Variants in UBE3C observed in about 807,000 individuals in gnomAD.
UBE3C encodes the protein ubiquitin-protein ligase E3C.
UBE3C carries 42 observed loss-of-function variants against 129.4 expected under a neutral mutation model. That is an observed-to-expected ratio of 0.32 (90% CI 0.25 to 0.42). The LOEUF is 0.42. UBE3C is among the 10% of genes least tolerant of loss of function. The pLI, the probability that UBE3C is intolerant of heterozygous loss-of-function variation, is 1.00. For synonymous variants in UBE3C, 510 were observed against 492.4 expected, an observed-to-expected ratio of 1.04 and a Z score of -0.47; for missense variants, 1,049 against 1,319.1, an observed-to-expected ratio of 0.80 and a Z score of 3.17.
chr7:157,154,527 ATC>A (rs2116827270), intron 1 of UBE3C, among the ~76,000 whole-genome samples: 1 of 152,254 alleles, frequency 6.6e-6, no homozygotes, highest in South Asian at 2.1e-4. Context: ...CCATATCGGC[ATC>A]TTTATATTTG....
intron 1 of UBE3C, among the ~76,000 whole-genome samples, chr7:157,148,693 CAAAT>C (rs1186429291): frequency 6.7e-6 from 1 of 148,834 alleles, no homozygotes; most frequent in African/African-American, 2.5e-5. Context: ...GATCTGGCAT[CAAAT>C]AAAGTCAAAA....
chr7:157,166,087 A>G lies in UBE3C; in HGVS notation c.120+2224A>G, dbSNP rs1808204491. 2.6e-5 allele frequency among the ~76,000 whole-genome samples: 4 copies of G among 152,326 alleles called. No homozygotes were observed. The South Asian group carries it at 8.3e-4, about 32-fold the overall frequency. ...ATTATTTCATTAAATAGGTTTCCTA[A>G]TCCTTTCTTTGACTCTTTGACCTTG... is the stretch of plus-strand genomic sequence containing the variant. On this transcript the variant is annotated intron_variant, in intron 2 of 22. Coordinates refer to ENST00000348165, the MANE Select transcript of UBE3C (RefSeq NM_014671.3).
intron 22 of UBE3C, among the ~76,000 whole-genome samples, chr7:157,265,528 C>T (rs1333899906): frequency 2.6e-5 from 4 of 152,174 alleles, no homozygotes; most frequent in South Asian, 4.1e-4. Flanking sequence ...AAACCAGGTA[C>T]GTATTCATTG....
chr7:157,225,454 T>C lies in UBE3C; in HGVS notation c.2148T>C (p.Asp716=). 6.2e-7 allele frequency: 1 copy of C among 1,606,814 alleles called. No individual in the cohort carries two copies. Residue 716 remains aspartate (D), a synonymous_variant, in exon 17 of 23, where the codon GAT becomes GAC. Coordinates refer to ENST00000348165, the MANE Select transcript of UBE3C (RefSeq NM_014671.3). ...CAGATAAGCAAGAAGTTCAAGGAGA[T>C]GGTCCATTTCTGGATGGAATTAATG... ...IYADKQEVQG[D]GPFLDGINVT...
Position 157,139,373 on chromosome 7 carries a change from GGGCCTGCGC to G in UBE3C, c.66+40_66+48del, listed in dbSNP as rs1190038717. 3.9e-6 allele frequency: 6 copies of G among 1,534,460 alleles called. No individual in the cohort carries two copies. In the Admixed American group the frequency reaches 1.2e-4, roughly 30 times the overall value. On this transcript the variant is annotated intron_variant, in intron 1 of 22. Transcript: ENST00000348165. ...GGGCTGGCGGGGCGCCCTCGGCTCGGGGCCTGCGCGGCCGGGGCTCGGGGCTGGGACTCG... is the reference window on the plus strand; with the variant it reads ...GGGCTGGCGGGGCGCCCTCGGCTCGGGGCCGGGGCTCGGGGCTGGGACTCG...
chr7:157,179,644 G>C (rs925327104), intron 6 of UBE3C, among the ~76,000 whole-genome samples: 1 of 152,168 alleles, frequency 6.6e-6, no homozygotes, highest in Non-Finnish European at 1.5e-5. Context: ...AAAAATGTGC[G>C]TGAGACTAGT....
At chr7:157,194,427 C>T (rs1421640849) in intron 10 of UBE3C, among the ~76,000 whole-genome samples, 4 of 152,130 alleles carry the variant, frequency 2.6e-5, no homozygotes, top group Admixed American at 6.5e-5. Context: ...GTAGCATATT[C>T]AGGTCATCTG....
chr7:157,216,040 G>A (rs915023504), intron 13 of UBE3C, among the ~76,000 whole-genome samples: 1 of 152,186 alleles, frequency 6.6e-6, no homozygotes, highest in African/African-American at 2.4e-5. Flanking sequence ...ACTAAGCTGT[G>A]ATGACATAGT....
At chr7:157,191,757 A>G (rs1207433285) in intron 10 of UBE3C, among the ~76,000 whole-genome samples, 2 of 152,228 alleles carry the variant, frequency 1.3e-5, no homozygotes, top group African/African-American at 4.8e-5. Flanking sequence ...TTCAAAGCAG[A>G]AAAATACAGA....
rs1259967888 is a variant in UBE3C at position 157,182,174 on chromosome 7, T to C, written c.837T>C (p.His279=). The C allele has an allele frequency of 6.2e-7, 1 of 1,612,766 alleles. No homozygotes were observed. The highest frequency in any genetic ancestry group is 2.2e-5 in the East Asian group (1 of 44,900). Residue 279 remains histidine (H), a synonymous_variant, in exon 8 of 23, where the codon CAT becomes CAC. Coordinates refer to ENST00000348165, the MANE Select transcript of UBE3C (RefSeq NM_014671.3). The part of the protein sequence containing the change: ...LAAPFTDQIF[H]FIIPALADAQ... ...CACCTTTTACAGATCAGATTTTTCA[T>C]TTCATCATTCCGGCGCTTGCAGATG... is the stretch of plus-strand genomic sequence containing the variant.
chr7:157,220,678 G>T lies in UBE3C; in HGVS notation c.1915-11G>T. On this transcript the variant is annotated splice_polypyrimidine_tract_variant and intron_variant, in intron 14 of 22. Transcript: ENST00000348165. Reference sequence around the variant, plus strand: ...CACAGGGGAGTTCTGAACCAGGATTGCCCCCGACAGGTCACTCAGCTCTAT... The same window carrying T: ...CACAGGGGAGTTCTGAACCAGGATTTCCCCCGACAGGTCACTCAGCTCTAT... The T allele has an allele frequency of 2.5e-6, 4 of 1,613,974 alleles. No individual in the cohort carries two copies. The highest frequency in any genetic ancestry group is 3.4e-6 in the Non-Finnish European group (4 of 1,179,930).
chr7:157,139,192 G>C lies in UBE3C; in HGVS notation c.-81G>C. 1 of 1,059,842 alleles carries C rather than the reference G, an allele frequency of 9.4e-7. No homozygotes were observed. Among genetic ancestry groups the C allele is most frequent in the Non-Finnish European group, 1.2e-6 (1 of 861,452 alleles). 65.7% of individuals were successfully genotyped at this position (1,059,842 alleles called of 1,614,324 possible). A position where few individuals can be genotyped will look rare whatever the true frequency, so the allele number is the denominator to read the frequency against. The stretch of plus-strand genomic sequence containing the variant: ...CCCGGGCCGGGCGGGCGGGCGCCGA[G>C]AGCCTCCCAGCCCGCCCCGTGCCCC... On this transcript the variant is annotated 5_prime_UTR_variant, in exon 1 of 23. Transcript: ENST00000348165.
At chr7:157,196,701 G>A in intron 10 of UBE3C, among the ~76,000 whole-genome samples, 1 of 152,172 alleles carries the variant, frequency 6.6e-6, no homozygotes, top group East Asian at 1.9e-4. Flanking sequence ...AGGTGCAGTG[G>A]CTCACGCCTA....
At chr7:157,176,492 C>G (rs1274642954) in intron 5 of UBE3C, among the ~76,000 whole-genome samples, 1 of 152,210 alleles carries the variant, frequency 6.6e-6, no homozygotes, top group Non-Finnish European at 1.5e-5. Context: ...CCAGGCTGGT[C>G]TCAAACTCCT....
chr7:157,171,427 C>T lies in UBE3C; in HGVS notation c.342+977C>T, dbSNP rs77116802. Among the ~76,000 whole-genome samples, 180 of 151,726 alleles carry T rather than the reference C, an allele frequency of 1.2e-3. 1 individual carries two copies. In the East Asian group the frequency reaches 0.025, roughly 21 times the overall value. On this transcript the variant is annotated intron_variant, in intron 4 of 22. Transcript: ENST00000348165. ...ATAAGCATAAGCCACCATGCCCAGCCTTAGGGTCTCATGTTTTTAAAAAAA... is the reference window on the plus strand; with the variant it reads ...ATAAGCATAAGCCACCATGCCCAGCTTTAGGGTCTCATGTTTTTAAAAAAA...
intron 1 of UBE3C, among the ~76,000 whole-genome samples, chr7:157,162,411 T>A (rs58983636): frequency 0.17 from 25,954 of 152,014 alleles, 2,456 homozygotes; most frequent in East Asian, 0.35. Context: ...GCCAGGCTGG[T>A]CTCGAACTCC....
intron 6 of UBE3C, among the ~76,000 whole-genome samples, chr7:157,180,606 C>T (rs764884134): frequency 5.3e-5 from 8 of 151,190 alleles, no homozygotes; most frequent in Non-Finnish European, 1.2e-4. Flanking sequence ...TGATGAGATA[C>T]TCAAAAATTG....
rs141605286 is a variant in UBE3C at position 157,234,438 on chromosome 7, G to A, written c.2481+3111G>A. Among the ~76,000 whole-genome samples the A allele has an allele frequency of 1.9e-3, 287 of 152,312 alleles. 2 individuals carry two copies. Among genetic ancestry groups the A allele is most frequent in the African/African-American group, 6.3e-3 (262 of 41,566 alleles). ...CGTAACACTCTGGGTCTGCCCTTAT[G>A]CAGTATGGTCTTGATTACTGTAGCT... On this transcript the variant is annotated intron_variant, in intron 18 of 22. Coordinates refer to ENST00000348165, the MANE Select transcript of UBE3C (RefSeq NM_014671.3).
chr7:157,183,123 A>G (rs943030944), intron 8 of UBE3C, among the ~76,000 whole-genome samples: 1 of 152,070 alleles, frequency 6.6e-6, no homozygotes, highest in Non-Finnish European at 1.5e-5. Context: ...TTTCCCACAC[A>G]CCAAGCAATT....
Sources: allele counts gnomAD v4.1 joint callset (sites outside exome capture counted in the v4.1 genomes callset), GRCh38; gene constraint gnomAD v4.1.1; transcripts MANE v1.5; gene names NCBI Gene and HGNC (gene_info 2026-07-23, HGNC 2026-07-21).